TACC2: variants seen among roughly 807,000 people sequenced by gnomAD.
TACC2 encodes the protein transforming acidic coiled-coil-containing protein 2.
TACC2 carries 137 observed loss-of-function variants against 227.3 expected under a neutral mutation model. The ratio of observed to expected loss-of-function variants is 0.60; its 90% confidence interval spans 0.52 to 0.69. TACC2 has a LOEUF of 0.69. Among genes scored for constraint, TACC2 ranks in the 30% least tolerant of loss-of-function variants. The pLI is 0.00. For missense variants in TACC2, 3,470 were observed against 3,694.4 expected (o/e 0.94, Z 1.57); for synonymous variants, 1,523 against 1,487.5 (o/e 1.02, Z -0.55).
intron 7 of TACC2, among the ~76,000 whole-genome samples, chr10:122,164,670 T>C (rs982640286): frequency 1.2e-4 from 19 of 152,192 alleles, no homozygotes; most frequent in African/African-American, 4.3e-4. Flanking sequence ...GTTTCTGTTA[T>C]GGTCGTCTCC....
At chr10:122,032,923 C>G (rs1959164126) in intron 2 of TACC2, among the ~76,000 whole-genome samples, 1 of 152,058 alleles carries the variant, frequency 6.6e-6, no homozygotes, top group South Asian at 2.1e-4. Context: ...TGCACCACTG[C>G]AGTCCAGCCT....
intron 5 of TACC2, among the ~76,000 whole-genome samples, chr10:122,094,192 C>T (rs1216593551): frequency 1.3e-5 from 2 of 152,170 alleles, no homozygotes; most frequent in East Asian, 3.8e-4. Context: ...TTATGTGTTT[C>T]ATAAGTAAAA....
At chr10:122,007,157 C>T (rs757980523) in intron 1 of TACC2, among the ~76,000 whole-genome samples, 3 of 151,952 alleles carry the variant, frequency 2.0e-5, no homozygotes, top group Admixed American at 6.6e-5. Context: ...CCACCATGCC[C>T]GGCCACTTTC....
chr10:122,073,126 A>AT (rs1554995816), intron 3 of TACC2, among the ~76,000 whole-genome samples: 80 of 70,988 alleles, frequency 1.1e-3, no homozygotes, highest in African/African-American at 4.6e-3. Context: ...AAAAAAAAAA[A>AT]ATATATATAT....
intron 7 of TACC2, among the ~76,000 whole-genome samples, chr10:122,159,708 G>A (rs1298017575): frequency 1.3e-5 from 2 of 152,174 alleles, no homozygotes; most frequent in African/African-American, 2.4e-5. Flanking sequence ...GTGGGTGGTG[G>A]TGAAGACCCA....
intron 7 of TACC2, among the ~76,000 whole-genome samples, chr10:122,182,580 C>G (rs1036980421): frequency 1.3e-5 from 2 of 152,208 alleles, no homozygotes; most frequent in African/African-American, 4.8e-5. Flanking sequence ...CGTGATTGTC[C>G]TGTGCACTAA....
intron 1 of TACC2, among the ~76,000 whole-genome samples, chr10:122,001,331 G>GT (rs1376624511): frequency 4.6e-5 from 7 of 152,352 alleles, no homozygotes; most frequent in African/African-American, 1.7e-4. Flanking sequence ...GCAAGGTTAT[G>GT]TCTTACATGG....
rs183504539 is a variant in TACC2, at chr10:122,105,779, C to G, written c.5573+17188C>G. On this transcript the variant is annotated intron_variant, in intron 5 of 22. Transcript: ENST00000369005. ...GGGATTACAGGTGCCCACCACCACA[C>G]CTGGCTAATTTTTTTTTATTTTTAG... Among the ~76,000 whole-genome samples the G allele has an allele frequency of 2.5e-3, 374 of 152,028 alleles. 6 individuals carry two copies. Among genetic ancestry groups the G allele is most frequent in the Middle Eastern group, 0.01 (3 of 294 alleles).
rs146760615 is a variant in TACC2 at position 122,073,309 on chromosome 10, C to T, written c.147-9338C>T. Among the ~76,000 whole-genome samples the T allele has an allele frequency of 2.8e-3, 421 of 151,544 alleles. 1 individual carries two copies. The highest frequency in any genetic ancestry group is 4.5e-3 in the Non-Finnish European group (303 of 67,888). Reference sequence around the variant, plus strand: ...GGAGCAGGGGGTCTCACCATGGAGACGGGGAAGGAGACATCCTACCTTGGG... The same window carrying T: ...GGAGCAGGGGGTCTCACCATGGAGATGGGGAAGGAGACATCCTACCTTGGG... On this transcript the variant is annotated intron_variant, in intron 3 of 22. Transcript: ENST00000369005.
chr10:122,070,878 T>C (rs2077977570), intron 3 of TACC2, among the ~76,000 whole-genome samples: 1 of 151,860 alleles, frequency 6.6e-6, no homozygotes, highest in Non-Finnish European at 1.5e-5. Flanking sequence ...GAGCTGAGAT[T>C]GCACCCCTGT....
chr10:122,063,364 G>A (rs1339566730), intron 3 of TACC2, among the ~76,000 whole-genome samples: 2 of 152,130 alleles, frequency 1.3e-5, no homozygotes, highest in Non-Finnish European at 2.9e-5. Flanking sequence ...GCCCCTCCTT[G>A]TCCTGCTTCT....
Position 122,083,609 on chromosome 10 carries a change from T to C in TACC2, c.1109T>C (p.Ile370Thr), listed in dbSNP as rs1007789977. The C allele has an allele frequency of 1.9e-6, 3 of 1,612,022 alleles. No individual in the cohort carries two copies. Among genetic ancestry groups the C allele is most frequent in the Non-Finnish European group, 8.5e-7 (1 of 1,179,992 alleles). ...TCTGGGAAGGAGGCTCTGGACACCA[T>C]TGATGTTCAGGGTCACCCACAGACA... ...GGSGKEALDT[I>T]DVQGHPQTGM... Residue 370 changes from isoleucine (I) to threonine (T), a missense_variant, in exon 4 of 23, where the codon ATT becomes ACT. Transcript: ENST00000369005.
chr10:122,192,995 G>C (rs564390029), intron 7 of TACC2, among the ~76,000 whole-genome samples: 10 of 152,236 alleles, frequency 6.6e-5, no homozygotes, highest in African/African-American at 2.4e-4. Context: ...GATGCTTCAG[G>C]TACCTCGATC....
intron 1 of TACC2, among the ~76,000 whole-genome samples, chr10:121,991,508 CAAATT>C (rs1328003777): frequency 6.6e-6 from 1 of 152,192 alleles, no homozygotes; most frequent in Non-Finnish European, 1.5e-5. Context: ...GTTCACATCT[CAAATT>C]AAAAATAAGT....
chr10:122,045,346 G>T (rs2074849267), intron 2 of TACC2, among the ~76,000 whole-genome samples: 1 of 152,230 alleles, frequency 6.6e-6, no homozygotes, highest in East Asian at 1.9e-4. Context: ...AGCAGCGTAA[G>T]GCAGGGACAA....
chr10:122,207,208 A>C (rs1431920291), intron 8 of TACC2, among the ~76,000 whole-genome samples: 2 of 151,988 alleles, frequency 1.3e-5, no homozygotes, highest in Admixed American at 6.5e-5. Context: ...CTCAGACAAG[A>C]GAATCACTTC....
intron 7 of TACC2, among the ~76,000 whole-genome samples, chr10:122,184,075 A>G (rs2094084358): frequency 6.6e-6 from 1 of 152,152 alleles, no homozygotes; most frequent in East Asian, 1.9e-4. Context: ...GGACGGTAAC[A>G]TGTCAGCTGA....
Position 122,085,493 on chromosome 10 carries a change from C to G in TACC2, c.2993C>G (p.Ala998Gly). 1 of 1,613,642 alleles carries G rather than the reference C, an allele frequency of 6.2e-7. No homozygotes were observed. Among genetic ancestry groups the G allele is most frequent in the Non-Finnish European group, 8.5e-7 (1 of 1,180,052 alleles). The change falls in exon 4 of 23, where the codon GCT (alanine) becomes GGT (glycine). Residue 998 changes from alanine to glycine, a missense_variant. Ala to Gly is a moderately conservative substitution (Grantham distance 60). Transcript: ENST00000369005. ...QGPNKSQQAL[A>G]DALEEGSQHE... ...CCAAACAAGTCTCAACAGGCATTGG[C>G]TGATGCCTTGGAAGAAGGCAGCCAG...
chr10:122,177,510 A>G (rs2093775821), intron 7 of TACC2, among the ~76,000 whole-genome samples: 2 of 152,148 alleles, frequency 1.3e-5, no homozygotes, highest in Non-Finnish European at 1.5e-5. Flanking sequence ...TCAAGGCTAC[A>G]GGGCACAATG....
Sources: allele counts gnomAD v4.1 joint callset (sites outside exome capture counted in the v4.1 genomes callset), GRCh38; gene constraint gnomAD v4.1.1; transcripts MANE v1.5; gene names NCBI Gene and HGNC (gene_info 2026-07-23, HGNC 2026-07-21).